The following LNPK variants were observed in gnomAD, a reference collection of about 807,000 sequenced individuals.
LNPK encodes the protein lunapark, ER junction formation factor, also known as endoplasmic reticulum junction formation protein lunapark.
LNPK carries 29 observed loss-of-function variants against 55.2 expected under a neutral mutation model. That is an observed-to-expected ratio of 0.53 (90% CI 0.39 to 0.72). The LOEUF (loss-of-function observed/expected upper bound fraction) is 0.72. Among genes scored for constraint, LNPK ranks in the 30% least tolerant of loss-of-function variants. The probability of loss-of-function intolerance (pLI) is 0.00; values close to 1 mark genes in which losing one functional copy is unlikely to be tolerated. For synonymous variants in LNPK, 162 were observed against 168.2 expected, an observed-to-expected ratio of 0.96 and a Z score of 0.29; for missense variants, 467 against 494.8, an observed-to-expected ratio of 0.94 and a Z score of 0.53.
At chr2:175,981,812 C>G (rs898850381) in intron 4 of LNPK, among the ~76,000 whole-genome samples, 1 of 152,088 alleles carries the variant, frequency 6.6e-6, no homozygotes, top group African/African-American at 2.4e-5. Context: ...TACCTAAGAA[C>G]AAAAGATCCT....
rs1290970740 is a variant in LNPK at position 175,930,148 on chromosome 2, T to C, written c.1106A>G (p.Lys369Arg). ...GTTTGTCTGTTCTGTAGCTGGTATT[T>C]TGTCATCTGTCTGCTCTGTATTATC... Reference protein sequence around the residue: ...LDDNTEQTDDKIPATEQTNQV... With the variant: ...LDDNTEQTDDRIPATEQTNQV... Residue 369 changes from lysine to arginine, a missense_variant, in exon 13 of 13, where the codon AAA (lysine) becomes AGA (arginine). Transcript: ENST00000272748. The C allele has an allele frequency of 6.2e-6, 10 of 1,613,376 alleles. No homozygotes were observed. In the South Asian group the frequency reaches 1.1e-4, roughly 18 times the overall value.
intron 4 of LNPK, among the ~76,000 whole-genome samples, chr2:175,982,338 TGTCA>T (rs1687213947): frequency 6.6e-6 from 1 of 152,164 alleles, no homozygotes; most frequent in African/African-American, 2.4e-5. Context: ...CATATATAAT[TGTCA>T]GTGTAAATAC....
Position 175,979,826 on chromosome 2 carries a change from C to G in LNPK, c.300G>C (p.Lys100Asn). 6.3e-7 allele frequency: 1 copy of G among 1,577,792 alleles called. No individual in the cohort carries two copies. The highest frequency in any genetic ancestry group is 8.6e-7 in the Non-Finnish European group (1 of 1,164,020). The change falls in exon 5 of 13, where the codon AAG becomes AAC. Residue 100 changes from lysine (K) to asparagine (N), a missense_variant. Physicochemically the swap from Lys to Asn is moderately conservative, Grantham distance 94 (BLOSUM62 0). Coordinates refer to ENST00000272748, the MANE Select transcript of LNPK (RefSeq NM_030650.3). Reference protein sequence around the residue: ...IRTVIIFFFSKRTERNNEALD... With the variant: ...IRTVIIFFFSNRTERNNEALD... ...TAAACTTACTATTTCTTTCTGTTCT[C>G]TTGGAAAAGAAGAAAATAATTACTG...
intron 1 of LNPK, among the ~76,000 whole-genome samples, chr2:175,999,945 T>C (rs576702034): frequency 6.6e-6 from 1 of 152,300 alleles, no homozygotes; most frequent in South Asian, 2.1e-4. Flanking sequence ...TTTGTGTTTT[T>C]AGTAGAGACG....
chr2:175,977,342 T>C (rs192672393), intron 5 of LNPK, among the ~76,000 whole-genome samples: 1 of 152,258 alleles, frequency 6.6e-6, no homozygotes, highest in African/African-American at 2.4e-5. Context: ...TCATTTCAAG[T>C]GCTCAACAGT....
At chr2:175,952,079 A>T (rs375339538) in intron 8 of LNPK, among the ~76,000 whole-genome samples, 1 of 150,994 alleles carries the variant, frequency 6.6e-6, no homozygotes, top group African/African-American at 2.4e-5. Context: ...TTTTGATGGG[A>T]TTGTTTTTTC....
intron 8 of LNPK, among the ~76,000 whole-genome samples, chr2:175,959,726 G>A (rs1685908030): frequency 6.6e-6 from 1 of 152,138 alleles, no homozygotes; most frequent in South Asian, 2.1e-4. Context: ...AACCTTAAAT[G>A]TAAATGGGCT....
chr2:175,963,703 T>C (rs188229872), intron 8 of LNPK, among the ~76,000 whole-genome samples: 100 of 151,556 alleles, frequency 6.6e-4, no homozygotes, highest in African/African-American at 2.3e-3. Context: ...TAAAATATAA[T>C]AAATAAATTA....
intron 10 of LNPK, 45 bp from the exon 11 acceptor site, chr2:175,938,428 A>AG: frequency 9.0e-7 from 1 of 1,116,550 alleles, no homozygotes; most frequent in Non-Finnish European, 1.3e-6. Flanking sequence ...AAATGCAAAC[A>AG]AAGCTCATGA....
chr2:175,962,194 A>G (rs1686073343), intron 8 of LNPK, among the ~76,000 whole-genome samples: 1 of 152,164 alleles, frequency 6.6e-6, no homozygotes, highest in African/African-American at 2.4e-5. Context: ...GCAGAATTGG[A>G]AAAAACTATT....
intron 8 of LNPK, among the ~76,000 whole-genome samples, chr2:175,960,694 A>G (rs1020876039): frequency 6.6e-6 from 1 of 152,240 alleles, no homozygotes; most frequent in East Asian, 1.9e-4. Context: ...GCAGAAGGCT[A>G]GAAATAACTA....
chr2:175,997,897 C>A (rs571100400), intron 1 of LNPK, among the ~76,000 whole-genome samples: 1 of 150,522 alleles, frequency 6.6e-6, no homozygotes, highest in South Asian at 2.1e-4. Flanking sequence ...GGCCACCACA[C>A]CCGGCTAATT....
At chr2:175,962,555 A>C (rs1244618774) in intron 8 of LNPK, among the ~76,000 whole-genome samples, 1 of 152,224 alleles carries the variant, frequency 6.6e-6, no homozygotes, top group Non-Finnish European at 1.5e-5. Flanking sequence ...AAATTAATTC[A>C]AGATGTATTA....
At chr2:175,935,508 TTAG>T (rs1455481398) in intron 12 of LNPK, among the ~76,000 whole-genome samples, 2 of 152,198 alleles carry the variant, frequency 1.3e-5, no homozygotes, top group African/African-American at 4.8e-5. Flanking sequence ...CAGTGTTGAG[TTAG>T]ATGTCTTGAG....
intron 4 of LNPK, among the ~76,000 whole-genome samples, chr2:175,988,921 C>T (rs1687563737): frequency 6.6e-6 from 1 of 152,080 alleles, no homozygotes; most frequent in African/African-American, 2.4e-5. Context: ...CTACAGGAGC[C>T]CACCACCGTG....
At chr2:175,941,790 C>CAAA (rs59162981) in intron 9 of LNPK, among the ~76,000 whole-genome samples, 4 of 51,930 alleles carry the variant, frequency 7.7e-5, no homozygotes, top group Admixed American at 2.7e-4. Flanking sequence ...GATTCCATCT[C>CAAA]AAAAAAAAAA....
At chr2:175,936,620 G>A (rs6708731) in intron 12 of LNPK, among the ~76,000 whole-genome samples, 80,049 of 151,896 alleles carry the variant, frequency 0.53, 21,860 homozygotes, top group African/African-American at 0.66. Flanking sequence ...TCCTGACCAA[G>A]TATTAATACT....
chr2:175,938,292 T>G (rs770856404), intron 11 of LNPK, 21 bp downstream of exon 11: 3 of 1,440,526 alleles, frequency 2.1e-6, no homozygotes, highest in Non-Finnish European at 2.9e-6. Context: ...TATTTAAATC[T>G]CATTGCCCAA....
chr2:175,934,630 CATAAAAAGAATGCTTT>C (rs1684449914), intron 12 of LNPK, among the ~76,000 whole-genome samples: 1 of 151,936 alleles, frequency 6.6e-6, no homozygotes. Context: ...TATCACATAC[CATAAAAAGAATGCTTT>C]TTTAAAAAAA....
Sources: allele counts gnomAD v4.1 joint callset (sites outside exome capture counted in the v4.1 genomes callset), GRCh38; gene constraint gnomAD v4.1.1; transcripts MANE v1.5; gene names NCBI Gene and HGNC (gene_info 2026-07-23, HGNC 2026-07-21).